The following PPM1F variants were observed in gnomAD, a reference collection of about 807,000 sequenced individuals.
The protein encoded by PPM1F is protein phosphatase 1F.
Under a neutral mutation model 35.5 loss-of-function variants are expected in PPM1F, and 17 were observed. The ratio of observed to expected loss-of-function variants is 0.48; its 90% CI spans 0.33 to 0.72. The LOEUF (loss-of-function observed/expected upper bound fraction) is 0.72. PPM1F is among the 30% of genes least tolerant of loss of function. The pLI is 0.02. For missense variants in PPM1F, 521 were observed against 613.0 expected, an observed-to-expected ratio of 0.85 and a Z score of 1.59; for synonymous variants, 241 against 255.5, an observed-to-expected ratio of 0.94 and a Z score of 0.54.
At chr22:21,929,790 G>A (rs569577273) in intron 6 of PPM1F, among the ~76,000 whole-genome samples, 1 of 152,098 alleles carries the variant, frequency 6.6e-6, no homozygotes, top group Non-Finnish European at 1.5e-5. Context: ...GACGTACAGG[G>A]GGCCCATACC....
chr22:21,930,310 C>T (rs190502602), intron 6 of PPM1F, among the ~76,000 whole-genome samples: 17 of 152,314 alleles, frequency 1.1e-4, no homozygotes, highest in Admixed American at 3.9e-4. Context: ...CCAGACTGTA[C>T]GTGCATCAGT....
Position 21,938,600 on chromosome 22 carries a change from C to A in PPM1F, c.355+932G>T, listed in dbSNP as rs544389079. 10 of 1,024,188 alleles carry A rather than the reference C, an allele frequency of 9.8e-6. No individual in the cohort carries two copies. In the South Asian group the frequency reaches 3.2e-4, roughly 32 times the overall value. The allele number at this position is 1,024,188 out of a possible 1,614,324, so 63.4% of individuals were successfully genotyped here. The stretch of plus-strand genomic sequence containing the variant: ...ACAACAGGGAAAGGAAAGGAAATGG[C>A]AAAGGAAGGGAAAGGAAATGGCCGA... On this transcript the variant is annotated intron_variant, in intron 3 of 7. Transcript: ENST00000263212.
At chr22:21,924,217 G>A (rs240062) in intron 7 of PPM1F, among the ~76,000 whole-genome samples, 2,209 of 151,990 alleles carry the variant, frequency 0.015, 58 homozygotes, top group African/African-American at 0.051. Context: ...CCCACAGCCT[G>A]AGACCCGGCA....
chr22:21,923,572 C>A, intron 7 of PPM1F, 101 bp from the exon 8 acceptor site: 2 of 1,306,388 alleles, frequency 1.5e-6, no homozygotes, highest in Non-Finnish European at 2.1e-6. Flanking sequence ...GGACAGAGAC[C>A]AACCTGCTCT....
At chr22:21,952,157 C>G (rs2070846063) in intron 1 of PPM1F, 1 of 152,348 alleles carries the variant, frequency 6.6e-6, no homozygotes. Flanking sequence ...TCCTGTTGTA[C>G]AGACAGGTTC....
rs1466261892 is a variant in PPM1F, at chr22:21,934,096, G to C, written c.486C>G (p.Ile162Met). 6.4e-7 allele frequency: 1 copy of C among 1,562,654 alleles called. No homozygotes were observed. Among genetic ancestry groups the C allele is most frequent in the Non-Finnish European group, 8.7e-7 (1 of 1,153,760 alleles). ...CCTCCATCTTGCGGCGAGTGTTCCGGATGGCGTGGATGGAGACCAGCCACT... is the reference window on the plus strand; with the variant it reads ...CCTCCATCTTGCGGCGAGTGTTCCGCATGGCGTGGATGGAGACCAGCCACT... ...QRQWLVSIHA[I>M]RNTRRKMEDR... is the part of the protein sequence containing the mutation. The change falls in exon 4 of 8, where the codon ATC (isoleucine) becomes ATG (methionine). Residue 162 changes from isoleucine (I) to methionine (M), a missense_variant. Physicochemically the swap from Ile to Met is conservative, Grantham distance 10. Transcript: ENST00000263212.
intron 4 of PPM1F, 145 bp from the exon 5 acceptor site, chr22:21,933,724 G>T: frequency 1.3e-6 from 1 of 776,676 alleles, no homozygotes. Context: ...GGTAGGTTTG[G>T]AAAAGGACAG....
chr22:21,923,450 T>C lies in PPM1F; in HGVS notation c.1007A>G (p.Tyr336Cys), dbSNP rs755542293. 4.4e-6 allele frequency: 7 copies of C among 1,606,608 alleles called. No homozygotes were observed. The highest frequency in any genetic ancestry group is 6.0e-6 in the Non-Finnish European group (7 of 1,174,584). ...RAIGDVFQKP[Y>C]VSGEADAASR... ...AGCTGCATCGGCCTCCCCAGACACG[T>C]AGGGCTTCTGGAAGACATCCCCTGG... Residue 336 changes from tyrosine (Y) to cysteine (C), a missense_variant, in exon 8 of 8, where the codon TAC becomes TGC. By Grantham distance (194) the Tyr-to-Cys change is radical. Around this residue, in one of 3 missense-constraint regions of PPM1F, gnomAD observed 163 missense variants for 169.6 expected, o/e 0.96. Coordinates refer to ENST00000263212, the MANE Select transcript of PPM1F (RefSeq NM_014634.4).
intron 7 of PPM1F, chr22:21,925,201 C>A (rs2070497777): frequency 7.9e-6 from 3 of 379,852 alleles, no homozygotes; most frequent in Non-Finnish European, 1.4e-5. Flanking sequence ...AGCGAACCCA[C>A]TTTTTTCCCA....
Position 21,939,441 on chromosome 22 carries a change from G to A in PPM1F, c.355+91C>T. Reference sequence around the variant, plus strand: ...GTGAGCGAGGGCCCCAGCACCCTTAGGGACCCCAATCAATGGGCTTCCCAC... The same window carrying A: ...GTGAGCGAGGGCCCCAGCACCCTTAAGGACCCCAATCAATGGGCTTCCCAC... On this transcript the variant is annotated intron_variant, in intron 3 of 7. Transcript: ENST00000263212. This position sits in a 1 kb window ranked among gnomAD's most constrained non-coding sequence, Gnocchi z 5.1. 1 of 1,540,716 alleles carries A rather than the reference G, an allele frequency of 6.5e-7. No individual in the cohort carries two copies. The highest frequency in any genetic ancestry group is 1.2e-5 in the South Asian group (1 of 81,254).
In PPM1F at chr22:21,939,525, A is replaced by G; in HGVS notation, c.355+7T>C. ...CCTGGGGCCACCTCAGAAGAAACAG[A>G]ACTCACAGGTCACAGGGGCCTTTTC... On this transcript the variant is annotated splice_region_variant and intron_variant, in intron 3 of 7. Coordinates refer to ENST00000263212, the MANE Select transcript of PPM1F (RefSeq NM_014634.4). This position sits in a 1 kb window ranked among gnomAD's most constrained non-coding sequence, Gnocchi z 5.1. The G allele has an allele frequency of 6.2e-7, 1 of 1,603,176 alleles. No individual in the cohort carries two copies. Among genetic ancestry groups the G allele is most frequent in the Non-Finnish European group, 8.5e-7 (1 of 1,174,152 alleles).
rs1258557950 is a variant in PPM1F, at chr22:21,939,557, G to GTCA, written c.327_329dup (p.Asp110dup). ...AGGTCACAGGGGCCTTTTCCTCCTC[G>GTCA]TCATCGTCCTCCTCCTCTTCTTCTT... On this transcript the variant is annotated inframe_insertion, in exon 3 of 8. Transcript: ENST00000263212. The surrounding 1 kb of genome is among the most constrained non-coding windows in gnomAD (Gnocchi z 5.1). 1 of 1,585,194 alleles carries GTCA rather than the reference G, an allele frequency of 6.3e-7. No homozygotes were observed. Among genetic ancestry groups the GTCA allele is most frequent in the East Asian group, 2.3e-5 (1 of 44,060 alleles).
chr22:21,926,535 C>T (rs2070517889), intron 6 of PPM1F, among the ~76,000 whole-genome samples: 2 of 152,104 alleles, frequency 1.3e-5, no homozygotes, highest in South Asian at 4.1e-4. Context: ...AGGACAGAGG[C>T]TTGGTCCACC....
intron 1 of PPM1F, chr22:21,948,298 G>GC (rs1238368224): frequency 1.9e-4 from 20 of 106,924 alleles, no homozygotes; most frequent in East Asian, 3.5e-4. Flanking sequence ...CAGTGAGATC[G>GC]CCACCCCCCC....
chr22:21,951,351 T>G (rs890642004), intron 1 of PPM1F: 3 of 44,868 alleles, frequency 6.7e-5, no homozygotes, highest in Non-Finnish European at 1.7e-4. Flanking sequence ...ATGGTATCCT[T>G]TTTTTTTTTT....
chr22:21,920,393 G>A lies in PPM1F; in HGVS notation c.*2699C>T, dbSNP rs899173640. The A allele has an allele frequency of 6.5e-6, 1 of 152,722 alleles. No homozygotes were observed. The highest frequency in any genetic ancestry group is 6.5e-5 in the Admixed American group (1 of 15,292). The allele number at this position is 152,722 out of a possible 1,614,324, so 9.5% of individuals were successfully genotyped here. On this transcript the variant is annotated 3_prime_UTR_variant, in exon 8 of 8. Transcript: ENST00000263212. ...AAAGGATTACAATTTACAGACCAGT[G>A]TCCCTGGCTAGGGGCCCTCATGGGA...
intron 6 of PPM1F, among the ~76,000 whole-genome samples, chr22:21,927,581 T>A (rs1434620488): frequency 2.0e-5 from 3 of 152,206 alleles, no homozygotes; most frequent in Non-Finnish European, 2.9e-5. Context: ...CAGGGGGCCA[T>A]GCAGGCTAAG....
intron 5 of PPM1F, 103 bp from the exon 6 acceptor site, chr22:21,931,394 C>T: frequency 8.5e-7 from 1 of 1,182,314 alleles, no homozygotes; most frequent in Non-Finnish European, 1.2e-6. Flanking sequence ...ACTTCCGTTA[C>T]TGTGGTGAGG....
Position 21,945,862 on chromosome 22 carries a change from T to TGGCCAGCTC in PPM1F, c.178_186dup (p.Glu60_Ala62dup). ...GCCTACCTGCTGCCCAGAAAGCCCA[T>TGGCCAGCTC]GGCCAGCTCAGCCAGCTCGCCCTCC... On this transcript the variant is annotated inframe_insertion, in exon 2 of 8. Transcript: ENST00000263212. The TGGCCAGCTC allele has an allele frequency of 6.2e-7, 1 of 1,611,054 alleles. No homozygotes were observed. The highest frequency in any genetic ancestry group is 8.5e-7 in the Non-Finnish European group (1 of 1,179,818).
Sources: gnomAD v4.1 joint callset for allele counts (sites outside exome capture counted in the v4.1 genomes callset) on GRCh38, gnomAD v4.1.1 for gene constraint, gnomAD v4.1.1 regional missense constraint, Gnocchi (gnomAD v3.1) non-coding constraint, MANE v1.5 for transcripts, NCBI Gene and HGNC (gene_info 2026-07-23, HGNC 2026-07-21) for gene names.